NCAM2: variants seen among roughly 807,000 people sequenced by gnomAD.
NCAM2 encodes the protein N-CAM-2.
A neutral mutation model predicts 98.1 loss-of-function variants in NCAM2; 30 were observed. That is an observed-to-expected ratio of 0.31 (90% CI 0.23 to 0.41). The LOEUF (loss-of-function observed/expected upper bound fraction) is 0.41. Ranked by LOEUF, NCAM2 falls within the 10% of genes least tolerant of loss-of-function variation. The probability of loss-of-function intolerance (pLI) is 1.00; values close to 1 mark genes in which losing one functional copy is unlikely to be tolerated. For synonymous variants in NCAM2, 368 were observed against 342.4 expected (o/e 1.07, Z -0.83); for missense variants, 867 against 1,005.8 (o/e 0.86, Z 1.87).
intron 1 of NCAM2, among the ~76,000 whole-genome samples, chr21:21,073,131 A>G (rs2065607322): frequency 6.6e-6 from 1 of 152,204 alleles, no homozygotes; most frequent in Admixed American, 6.5e-5. Flanking sequence ...GTTCATTCAT[A>G]TGCAGCATAT....
intron 1 of NCAM2, among the ~76,000 whole-genome samples, chr21:21,054,845 TCA>T (rs2065181962): frequency 6.6e-6 from 1 of 152,058 alleles, no homozygotes; most frequent in African/African-American, 2.4e-5. Flanking sequence ...TTCTTTTCTC[TCA>T]GTCCTGCAGA....
rs1281993537 is a variant in NCAM2 at position 21,433,776 on chromosome 21, A to AAAATAAAATAAAAT, written c.1654+1499_1654+1512dup. Among the ~76,000 whole-genome samples the AAAATAAAATAAAAT allele has an allele frequency of 6.1e-4, 91 of 149,622 alleles. 1 individual carries two copies. Among genetic ancestry groups the AAAATAAAATAAAAT allele is most frequent in the South Asian group, 5.6e-3 (27 of 4,782 alleles). ...AAAATAAAATAAAATAAAATAAAAT[A>AAAATAAAATAAAAT]AAATAAAATAAAATAAAATAAAAAT... On this transcript the variant is annotated intron_variant, in intron 12 of 17. Coordinates refer to ENST00000400546, the MANE Select transcript of NCAM2 (RefSeq NM_004540.5).
intron 1 of NCAM2, among the ~76,000 whole-genome samples, chr21:21,265,561 A>G (rs1260551818): frequency 6.7e-6 from 1 of 149,150 alleles, no homozygotes. Context: ...GTATATATGT[A>G]TAAGTGGAAT....
At chr21:21,491,702 T>C (rs1986860575) in intron 15 of NCAM2, among the ~76,000 whole-genome samples, 1 of 151,596 alleles carries the variant, frequency 6.6e-6, no homozygotes, top group Admixed American at 6.6e-5. Context: ...TTTTGGATTG[T>C]TTTGGAGCAT....
At chr21:21,430,367 C>A (rs2077305350) in intron 11 of NCAM2, among the ~76,000 whole-genome samples, 1 of 107,258 alleles carries the variant, frequency 9.3e-6, no homozygotes, top group Middle Eastern at 4.9e-3. Context: ...TTGAAATTCA[C>A]ATGTACTGCA....
At position 21,252,660 on chromosome 21, in the gene NCAM2, G is replaced by A. The variant is rs78952856; in HGVS notation, c.56-27918G>A. Reference sequence around the variant, plus strand: ...AACAAATGAAGCTATTTCCACACCCGTACACTCTTACTACATTTTTAAACA... The same window carrying A: ...AACAAATGAAGCTATTTCCACACCCATACACTCTTACTACATTTTTAAACA... On this transcript the variant is annotated intron_variant, in intron 1 of 17. Coordinates refer to ENST00000400546, the MANE Select transcript of NCAM2 (RefSeq NM_004540.5). Among the ~76,000 whole-genome samples, 68 of 152,100 alleles carry A rather than the reference G, an allele frequency of 4.5e-4. No individual in the cohort carries two copies. The East Asian group carries it at 9.7e-3, about 22-fold the overall frequency.
intron 1 of NCAM2, among the ~76,000 whole-genome samples, chr21:21,246,178 T>C (rs1054887222): frequency 8.6e-5 from 13 of 151,944 alleles, no homozygotes; most frequent in Admixed American, 4.6e-4. Context: ...CCATGAAGAG[T>C]CTCATGGGAA....
chr21:21,119,014 T>C (rs2066619538), intron 1 of NCAM2, among the ~76,000 whole-genome samples: 1 of 152,182 alleles, frequency 6.6e-6, no homozygotes, highest in African/African-American at 2.4e-5. Flanking sequence ...CTTTTTGTTT[T>C]ATGGTTTCTT....
At chr21:21,472,150 G>A (rs1984519240) in intron 14 of NCAM2, among the ~76,000 whole-genome samples, 1 of 151,832 alleles carries the variant, frequency 6.6e-6, no homozygotes, top group Non-Finnish European at 1.5e-5. Flanking sequence ...ATAGCTATGG[G>A]ATCATAACTA....
intron 6 of NCAM2, among the ~76,000 whole-genome samples, chr21:21,331,521 A>C (rs770669769): frequency 7.1e-4 from 14 of 19,704 alleles, no homozygotes; most frequent in East Asian, 4.0e-3. Context: ...CTCTCTCTAT[A>C]TATATATATA....
chr21:21,204,809 AT>A (rs922788668), intron 1 of NCAM2, among the ~76,000 whole-genome samples: 7 of 152,136 alleles, frequency 4.6e-5, no homozygotes, highest in African/African-American at 1.7e-4. Flanking sequence ...GTTTTTCTTA[AT>A]TGCTTTTTGG....
At chr21:21,436,500 A>G (rs1215000966) in intron 12 of NCAM2, among the ~76,000 whole-genome samples, 1 of 152,206 alleles carries the variant, frequency 6.6e-6, no homozygotes, top group African/African-American at 2.4e-5. Flanking sequence ...TTAATATATA[A>G]CATATTATAT....
chr21:21,296,955 T>C (rs1196755830), intron 5 of NCAM2, among the ~76,000 whole-genome samples: 1 of 151,698 alleles, frequency 6.6e-6, no homozygotes, highest in Non-Finnish European at 1.5e-5. Flanking sequence ...ACTGCTTATG[T>C]TCTCTGTGTT....
At chr21:21,229,649 T>G (rs2070540471) in intron 1 of NCAM2, among the ~76,000 whole-genome samples, 1 of 151,428 alleles carries the variant, frequency 6.6e-6, no homozygotes, top group Non-Finnish European at 1.5e-5. Flanking sequence ...CCAGATTAAG[T>G]GCTTATTTCA....
chr21:21,128,145 T>C (rs1002622499), intron 1 of NCAM2, among the ~76,000 whole-genome samples: 1 of 152,166 alleles, frequency 6.6e-6, no homozygotes, highest in Non-Finnish European at 1.5e-5. Flanking sequence ...ACAGAAAATA[T>C]ACTCTAGGTA....
chr21:21,475,437 C>T (rs969758173), intron 14 of NCAM2, among the ~76,000 whole-genome samples: 3 of 152,098 alleles, frequency 2.0e-5, no homozygotes, highest in African/African-American at 7.2e-5. Flanking sequence ...TCTAGAAAGT[C>T]CTCACTAATC....
At chr21:21,524,798 G>A (rs888472910) in intron 16 of NCAM2, among the ~76,000 whole-genome samples, 1 of 151,918 alleles carries the variant, frequency 6.6e-6, no homozygotes, top group Non-Finnish European at 1.5e-5. Context: ...TTATAAATAG[G>A]AATCATACTA....
intron 1 of NCAM2, among the ~76,000 whole-genome samples, chr21:21,054,750 T>C (rs892424944): frequency 1.3e-5 from 2 of 152,044 alleles, no homozygotes; most frequent in African/African-American, 2.4e-5. Context: ...TTTTGAAAAT[T>C]TGTCTCAAAG....
chr21:21,115,957 T>TTGTGTGTGTGTGTGTGTG (rs58824475), intron 1 of NCAM2, among the ~76,000 whole-genome samples: 3 of 147,174 alleles, frequency 2.0e-5, no homozygotes, highest in South Asian at 2.2e-4. Flanking sequence ...CTCTGAGATT[T>TTGTGTGTGTGTGTGTGTG]TGTGTGTGTG....
Sources: gnomAD v4.1 joint callset for allele counts (sites outside exome capture counted in the v4.1 genomes callset) on GRCh38, gnomAD v4.1.1 for gene constraint, MANE v1.5 for transcripts, NCBI Gene and HGNC (gene_info 2026-07-23, HGNC 2026-07-21) for gene names.